BUB1: variants seen among roughly 807,000 people sequenced by gnomAD.
BUB1 encodes BUB1 mitotic checkpoint serine/threonine kinase.
BUB1 carries 84 observed loss-of-function variants against 135.2 expected under a neutral mutation model. The observed-to-expected ratio is 0.62, with a 90% CI of 0.52 to 0.74. The LOEUF (loss-of-function observed/expected upper bound fraction) is 0.74, where lower values mean the gene tolerates loss of function less well. Ranked by LOEUF, BUB1 falls within the 30% of genes least tolerant of loss-of-function variation. The pLI, the probability that BUB1 is intolerant of heterozygous loss-of-function variation, is 0.00. For synonymous variants in BUB1, 403 were observed against 434.4 expected, an observed-to-expected ratio of 0.93 and a Z score of 0.90; for missense variants, 1,162 against 1,288.3, an observed-to-expected ratio of 0.90 and a Z score of 1.50.
chr2:110,644,616 T>C (rs886722696), intron 19 of BUB1, among the ~76,000 whole-genome samples: 3 of 151,668 alleles, frequency 2.0e-5, no homozygotes, highest in Non-Finnish European at 4.4e-5. Context: ...TCTAGGCATA[T>C]CATATTCAAA....
chr2:110,656,710 A>G (rs767853502), intron 15 of BUB1, among the ~76,000 whole-genome samples: 1 of 152,152 alleles, frequency 6.6e-6, no homozygotes, highest in Non-Finnish European at 1.5e-5. Context: ...TTTTGTCTGA[A>G]GCAAGTCACC....
Position 110,672,749 on chromosome 2 carries a change from G to A in BUB1, c.334C>T (p.Gln112Ter). The change falls in exon 4 of 25, where the codon CAA becomes TAA. Residue 112 changes from glutamine (Q) to a stop codon, truncating the protein, a stop_gained. Transcript: ENST00000302759. LOFTEE classifies it high-confidence loss of function. ...GCACTGGCATGCTGCAGCTCTCCTT[G>A]GGCTTCCAGATGCCCCGCCCAGGCA... ...YIAWAGHLEA[Q>*]GELQHASAVL... 1 of 1,614,110 alleles carries A rather than the reference G, an allele frequency of 6.2e-7. No individual in the cohort carries two copies.
At chr2:110,670,468 A>C (rs756211622) in intron 5 of BUB1, 57 bp downstream of exon 5, 1 of 1,583,256 alleles carries the variant, frequency 6.3e-7, no homozygotes, top group African/African-American at 1.3e-5. Flanking sequence ...AGAAAATACT[A>C]GTACAAATCC....
chr2:110,654,119 C>A (rs1383862593), intron 16 of BUB1, among the ~76,000 whole-genome samples: 1 of 152,000 alleles, frequency 6.6e-6, no homozygotes, highest in Non-Finnish European at 1.5e-5. Context: ...ATGACCAGAC[C>A]ATGGGAAGTT....
chr2:110,672,611 A>C, intron 4 of BUB1, 50 bp downstream of exon 4: 1 of 1,502,092 alleles, frequency 6.7e-7, no homozygotes, highest in Non-Finnish European at 8.9e-7. Flanking sequence ...AACAGCAAAC[A>C]TTACTTTTCA....
intron 4 of BUB1, 79 bp downstream of exon 4, chr2:110,672,582 T>G: frequency 7.0e-7 from 1 of 1,420,018 alleles, no homozygotes. Flanking sequence ...CTGTACAAAT[T>G]GCTAATGATA....
At chr2:110,667,275 G>A (rs977172753) in intron 8 of BUB1, among the ~76,000 whole-genome samples, 2 of 151,976 alleles carry the variant, frequency 1.3e-5, no homozygotes, top group Admixed American at 6.6e-5. Flanking sequence ...GACTAACTTG[G>A]CTGCTACACT....
At chr2:110,647,949 G>T (rs72828821) in intron 19 of BUB1, among the ~76,000 whole-genome samples, 5,156 of 152,252 alleles carry the variant, frequency 0.034, 160 homozygotes, top group Admixed American at 0.097. Flanking sequence ...CACTGTTGGT[G>T]GGAATGCTAA....
At chr2:110,652,014 A>G (rs774438547) in intron 17 of BUB1, among the ~76,000 whole-genome samples, 6 of 151,912 alleles carry the variant, frequency 3.9e-5, no homozygotes, top group Non-Finnish European at 7.4e-5. Context: ...GTTGTTAAGC[A>G]ACTGCATGAC....
intron 1 of BUB1, among the ~76,000 whole-genome samples, chr2:110,676,802 A>C (rs1007721297): frequency 6.6e-6 from 1 of 152,184 alleles, no homozygotes; most frequent in African/African-American, 2.4e-5. Context: ...ATATTTCCAA[A>C]AAGAAACTAG....
chr2:110,640,788 T>A (rs774964173), intron 23 of BUB1, among the ~76,000 whole-genome samples: 9 of 152,218 alleles, frequency 5.9e-5, no homozygotes, highest in Non-Finnish European at 1.2e-4. Context: ...CTCTTCCCTA[T>A]GATCAAACTC....
Position 110,660,000 on chromosome 2 carries a change from C to G in BUB1, c.1254G>C (p.Gln418His). The G allele has an allele frequency of 3.1e-6, 5 of 1,611,862 alleles. No homozygotes were observed. The South Asian group carries it at 5.5e-5, about 18-fold the overall frequency. Residue 418 changes from glutamine (Q) to histidine (H), a missense_variant, in exon 11 of 25, where the codon CAG (glutamine) becomes CAC (histidine). By Grantham distance (24) the Gln-to-His change is conservative. Coordinates refer to ENST00000302759, the MANE Select transcript of BUB1 (RefSeq NM_004336.5). The part of the protein sequence containing the change: ...VNKSTHEFKP[Q>H]SGAEIKEGCE... ...TACCTTCTTTGATCTCTGCTCCACT[C>G]TGTGGCTTGAATTCATGAGTACTCT...
intron 18 of BUB1, 84 bp from the exon 19 acceptor site, chr2:110,649,461 A>C: frequency 7.9e-7 from 1 of 1,270,620 alleles, no homozygotes; most frequent in Non-Finnish European, 1.1e-6. Flanking sequence ...AGACAAAGTG[A>C]GTAGAGATAT....
chr2:110,671,617 T>G (rs1196977637), intron 4 of BUB1, among the ~76,000 whole-genome samples: 1 of 152,186 alleles, frequency 6.6e-6, no homozygotes, highest in Non-Finnish European at 1.5e-5. Flanking sequence ...TTTGGTTACA[T>G]GCACCACAAG....
At chr2:110,675,020 G>T in intron 1 of BUB1, 1 of 153,174 alleles carries the variant, frequency 6.5e-6, no homozygotes, top group Non-Finnish European at 1.5e-5. Flanking sequence ...CCACAAAGTA[G>T]AGTTCCCAGA....
At chr2:110,652,681 A>G (rs559646367) in intron 17 of BUB1, among the ~76,000 whole-genome samples, 1 of 152,286 alleles carries the variant, frequency 6.6e-6, no homozygotes, top group Admixed American at 6.5e-5. Context: ...CTGCACATAT[A>G]TCTCCACATA....
At chr2:110,672,598 T>G (rs1690451356) in intron 4 of BUB1, 63 bp downstream of exon 4, 21 of 1,483,906 alleles carry the variant, frequency 1.4e-5, no homozygotes, top group Non-Finnish European at 1.8e-5. Context: ...TGATACAATT[T>G]TTAACAGCAA....
intron 18 of BUB1, among the ~76,000 whole-genome samples, chr2:110,649,941 T>C (rs1689737167): frequency 6.6e-6 from 1 of 152,182 alleles, no homozygotes; most frequent in Non-Finnish European, 1.5e-5. Context: ...CCAACATGGT[T>C]AACACTCACT....
At chr2:110,654,053 C>T (rs1689856212) in intron 16 of BUB1, among the ~76,000 whole-genome samples, 1 of 152,000 alleles carries the variant, frequency 6.6e-6, no homozygotes, top group Non-Finnish European at 1.5e-5. Flanking sequence ...CATCTAATTC[C>T]TATAATCCTT....
Sources: gnomAD v4.1 joint callset for allele counts (sites outside exome capture counted in the v4.1 genomes callset) on GRCh38, gnomAD v4.1.1 for gene constraint, MANE v1.5 for transcripts, NCBI Gene and HGNC (gene_info 2026-07-23, HGNC 2026-07-21) for gene names.